The following STRN variants were observed in gnomAD, a reference collection of about 807,000 sequenced individuals.
STRN encodes protein phosphatase 2 regulatory subunit B'''alpha.
In STRN, 53 loss-of-function variants were observed where a neutral mutation model predicts 96.3. That is an observed-to-expected ratio of 0.55 (90% confidence interval 0.44 to 0.69). The LOEUF (loss-of-function observed/expected upper bound fraction) is 0.69. STRN is among the 30% of genes least tolerant of loss of function. The probability of loss-of-function intolerance (pLI) is 0.00; values close to 1 mark genes in which losing one functional copy is unlikely to be tolerated. For synonymous variants in STRN, 428 were observed against 355.9 expected (o/e 1.20, Z -2.28); for missense variants, 987 against 963.9 (o/e 1.02, Z -0.32).
intron 13 of STRN, among the ~76,000 whole-genome samples, chr2:36,858,949 A>G (rs1424660431): frequency 2.6e-5 from 4 of 152,210 alleles, no homozygotes; most frequent in African/African-American, 9.7e-5. Flanking sequence ...GAATTTACAG[A>G]TGTTAGCCAG....
rs1053091178 is a variant in STRN, at chr2:36,839,029, T to C, written c.*10427A>G. ...GAAAAAGCAAGTGCAGCATAATATG[T>C]AGAATAAAACCCCATATGTAATAAC... On this transcript the variant is annotated 3_prime_UTR_variant, in exon 18 of 18. Transcript: ENST00000263918. Among the ~76,000 whole-genome samples the C allele has an allele frequency of 6.6e-6, 1 of 152,220 alleles. No homozygotes were observed. Among genetic ancestry groups the C allele is most frequent in the Admixed American group, 6.5e-5 (1 of 15,278 alleles).
rs937632923 is a variant in STRN at position 36,838,770 on chromosome 2, G to C, written c.*10686C>G. On this transcript the variant is annotated 3_prime_UTR_variant, in exon 18 of 18. Coordinates refer to ENST00000263918, the MANE Select transcript of STRN (RefSeq NM_003162.4). Reference sequence around the variant, plus strand: ...ATCATGGTGACAAACATATACACAGGAATGTTTATTGTAATAATAAAAAGG... The same window carrying C: ...ATCATGGTGACAAACATATACACAGCAATGTTTATTGTAATAATAAAAAGG... Among the ~76,000 whole-genome samples the C allele has an allele frequency of 6.6e-6, 1 of 152,052 alleles. No individual in the cohort carries two copies. Among genetic ancestry groups the C allele is most frequent in the African/African-American group, 2.4e-5 (1 of 41,408 alleles).
rs1276886514 is a variant in STRN, at chr2:36,925,130, A to T, written c.313T>A (p.Leu105Met). ...KKDLVRRIKM[L>M]EYALKQERAK... The stretch of plus-strand genomic sequence containing the variant: ...CTTTCCTGTTTAAGAGCATACTCCA[A>T]CATTTTGATCCTCCTCACAAGATCC... The change falls in exon 2 of 18, where the codon TTG (leucine) becomes ATG (methionine). Residue 105 changes from leucine (L) to methionine (M), a missense_variant. By Grantham distance (15) the Leu-to-Met change is conservative. Transcript: ENST00000263918. 6.2e-7 allele frequency: 1 copy of T among 1,613,696 alleles called. No homozygotes were observed. Among genetic ancestry groups the T allele is most frequent in the Admixed American group, 1.7e-5 (1 of 60,018 alleles).
intron 3 of STRN, among the ~76,000 whole-genome samples, chr2:36,913,407 C>G (rs1238146814): frequency 6.6e-6 from 1 of 152,164 alleles, no homozygotes; most frequent in Non-Finnish European, 1.5e-5. Context: ...TGCTAATACT[C>G]TGCCTTTCTC....
Position 36,846,766 on chromosome 2 carries a change from T to C in STRN, c.*2690A>G, listed in dbSNP as rs546929706. ...TATCACTTTTGTTAAATAATCTGTC[T>C]ATGGTTTGAGTAGCAAATGAGCTCC... On this transcript the variant is annotated 3_prime_UTR_variant, in exon 18 of 18. Transcript: ENST00000263918. 6.6e-6 allele frequency: 1 copy of C among 152,176 alleles called. No individual in the cohort carries two copies. The highest frequency in any genetic ancestry group is 1.5e-5 in the Non-Finnish European group (1 of 67,994). 9.4% of individuals were successfully genotyped at this position (152,176 alleles called of 1,614,324 possible).
chr2:36,957,905 G>A (rs909407856), intron 1 of STRN, among the ~76,000 whole-genome samples: 2 of 142,304 alleles, frequency 1.4e-5, no homozygotes, highest in East Asian at 2.1e-4. Context: ...CGCCCATCAC[G>A]ACGCCCAGCT....
At chr2:36,875,238 G>A (rs1336528756) in intron 10 of STRN, among the ~76,000 whole-genome samples, 2 of 152,098 alleles carry the variant, frequency 1.3e-5, no homozygotes, top group Non-Finnish European at 2.9e-5. Context: ...AGCCAGGCAC[G>A]ATGGCTCATG....
intron 1 of STRN, among the ~76,000 whole-genome samples, chr2:36,926,386 C>A (rs1417778150): frequency 6.6e-6 from 1 of 152,198 alleles, no homozygotes; most frequent in Non-Finnish European, 1.5e-5. Flanking sequence ...ACATGTACCA[C>A]CACGTCCGTC....
chr2:36,964,488 G>A (rs1345864130), intron 1 of STRN, among the ~76,000 whole-genome samples: 1 of 152,066 alleles, frequency 6.6e-6, no homozygotes, highest in African/African-American at 2.4e-5. Flanking sequence ...AAATTTGTTG[G>A]AGACTATATA....
chr2:36,948,910 C>CA (rs1015771814), intron 1 of STRN, among the ~76,000 whole-genome samples: 23 of 152,078 alleles, frequency 1.5e-4, no homozygotes, highest in African/African-American at 5.1e-4. Context: ...TGAGCAATGA[C>CA]AAAAAAAGCA....
At chr2:36,915,990 G>T in intron 3 of STRN, 88 bp downstream of exon 3, 1 of 1,177,744 alleles carries the variant, frequency 8.5e-7, no homozygotes. Flanking sequence ...CAAATAATTA[G>T]AAAGTAACTT....
chr2:36,838,803 A>G lies in STRN; in HGVS notation c.*10653T>C, dbSNP rs1163123461. Among the ~76,000 whole-genome samples, 1 of 152,240 alleles carries G rather than the reference A, an allele frequency of 6.6e-6. No homozygotes were observed. The highest frequency in any genetic ancestry group is 1.5e-5 in the Non-Finnish European group (1 of 68,038). The stretch of plus-strand genomic sequence containing the variant: ...ATTGTAATAATAAAAAGGAAATAAG[A>G]GCTATGATAGACTTAGAGAAATTCT... On this transcript the variant is annotated 3_prime_UTR_variant, in exon 18 of 18. Coordinates refer to ENST00000263918, the MANE Select transcript of STRN (RefSeq NM_003162.4).
At chr2:36,905,493 T>C (rs370233666) in intron 4 of STRN, 47 bp downstream of exon 4, 453 of 1,523,356 alleles carry the variant, frequency 3.0e-4, no homozygotes, top group Non-Finnish European at 3.9e-4. Flanking sequence ...TTCATAAAAC[T>C]GTTTCTTGTC....
chr2:36,885,112 T>C (rs939773308), intron 8 of STRN, among the ~76,000 whole-genome samples: 11 of 152,096 alleles, frequency 7.2e-5, no homozygotes, highest in Non-Finnish European at 1.6e-4. Flanking sequence ...ATTTAAGAAA[T>C]CCAATTGCTT....
chr2:36,895,999 T>C (rs1485883710), intron 6 of STRN, among the ~76,000 whole-genome samples: 1 of 152,020 alleles, frequency 6.6e-6, no homozygotes, highest in Non-Finnish European at 1.5e-5. Context: ...GTTCCACATA[T>C]AAATATATTG....
In STRN at chr2:36,845,151, T is replaced by A. The variant is rs1274907777; in HGVS notation, c.*4305A>T. ...AGCACTCTTTTTCATGTAAGTTCAA[T>A]AATTATTTGGCTATTGGTTGAAAAC... On this transcript the variant is annotated 3_prime_UTR_variant, in exon 18 of 18. Transcript: ENST00000263918. 6.6e-6 allele frequency: 1 copy of A among 152,176 alleles called. No homozygotes were observed. Among genetic ancestry groups the A allele is most frequent in the Non-Finnish European group, 1.5e-5 (1 of 68,014 alleles). The allele number at this position is 152,176 out of a possible 1,614,324, so 9.4% of individuals were successfully genotyped here.
intron 3 of STRN, among the ~76,000 whole-genome samples, chr2:36,915,271 A>C (rs1189064683): frequency 7.6e-6 from 1 of 131,420 alleles, no homozygotes; most frequent in Non-Finnish European, 1.6e-5. Flanking sequence ...ATATATATAT[A>C]TAAAGCCTCT....
intron 15 of STRN, among the ~76,000 whole-genome samples, chr2:36,853,477 GA>G (rs1668269790): frequency 6.6e-6 from 1 of 152,154 alleles, no homozygotes; most frequent in African/African-American, 2.4e-5. Flanking sequence ...ACAGGCAAAA[GA>G]AAGTTCTTAT....
At chr2:36,901,335 G>C (rs1669678174) in intron 5 of STRN, among the ~76,000 whole-genome samples, 1 of 152,128 alleles carries the variant, frequency 6.6e-6, no homozygotes, top group African/African-American at 2.4e-5. Flanking sequence ...GGTGGATCAT[G>C]AGGTCAAGAG....
Sources: gnomAD v4.1 joint callset for allele counts (sites outside exome capture counted in the v4.1 genomes callset) on GRCh38, gnomAD v4.1.1 for gene constraint, MANE v1.5 for transcripts, NCBI Gene and HGNC (gene_info 2026-07-23, HGNC 2026-07-21) for gene names.